The following MCPH1 variants were observed in gnomAD, a reference collection of about 807,000 sequenced individuals.
MCPH1 encodes the protein microcephalin.
In MCPH1, 104 loss-of-function variants were observed where a neutral mutation model predicts 84.5. The observed-to-expected ratio is 1.23, with a 90% CI of 1.05 to 1.45. The LOEUF (loss-of-function observed/expected upper bound fraction) is 1.45. Ranked by LOEUF, MCPH1 falls within the 40% of genes most tolerant of loss-of-function variation. The pLI, the probability that MCPH1 is intolerant of heterozygous loss-of-function variation, is 0.00. For synonymous variants in MCPH1, 514 were observed against 366.8 expected, an observed-to-expected ratio of 1.40 and a Z score of -4.58; for missense variants, 1,498 against 1,005.7, an observed-to-expected ratio of 1.49 and a Z score of -6.62.
chr8:6,471,852 C>G (rs894424658), intron 9 of MCPH1, among the ~76,000 whole-genome samples: 1 of 152,188 alleles, frequency 6.6e-6, no homozygotes, highest in Admixed American at 6.5e-5. Flanking sequence ...TGGCCTATAG[C>G]TAATTGCAGA....
chr8:6,411,040 A>G (rs1190072532), intron 2 of MCPH1, among the ~76,000 whole-genome samples: 1 of 152,148 alleles, frequency 6.6e-6, no homozygotes, highest in Non-Finnish European at 1.5e-5. Flanking sequence ...CATTGAGCCG[A>G]GATTGCACCA....
In MCPH1 at chr8:6,505,753, C is replaced by T. The variant is rs181602212; in HGVS notation, c.2214+5824C>T. On this transcript the variant is annotated intron_variant, in intron 12 of 13. Transcript: ENST00000344683. ...ATTCTATATATATTCTTTATATATA[C>T]GTATATATAGAATATATATATTCTT... 3.8e-3 allele frequency among the ~76,000 whole-genome samples: 482 copies of T among 127,938 alleles called. 9 individuals are homozygous for T. The highest frequency in any genetic ancestry group is 0.012 in the African/African-American group (403 of 33,700). 83.9% of individuals were successfully genotyped at this position (127,938 alleles called of 152,430 possible).
intron 9 of MCPH1, among the ~76,000 whole-genome samples, chr8:6,475,735 C>T (rs73196801): frequency 0.022 from 3,289 of 152,240 alleles, 51 homozygotes; most frequent in Middle Eastern, 0.092. Context: ...GGGCATTGTC[C>T]AAGCAGGTTT....
intron 13 of MCPH1, among the ~76,000 whole-genome samples, chr8:6,639,939 A>T (rs954325182): frequency 6.6e-6 from 1 of 151,976 alleles, no homozygotes; most frequent in African/African-American, 2.4e-5. Context: ...AGATGTCACT[A>T]TGTTGCCCAG....
chr8:6,423,815 CAAAA>C (rs953463664), intron 3 of MCPH1, among the ~76,000 whole-genome samples: 3 of 152,028 alleles, frequency 2.0e-5, no homozygotes, highest in African/African-American at 7.2e-5. Flanking sequence ...CTGGAATTAT[CAAAA>C]AAATGCATGT....
rs143937449 is a variant in MCPH1 at position 6,592,313 on chromosome 8, G to A, written c.2215-29141G>A. On this transcript the variant is annotated intron_variant, in intron 12 of 13. Coordinates refer to ENST00000344683, the MANE Select transcript of MCPH1 (RefSeq NM_024596.5). ...ACTACACGTGCGTGCCACCACACCC[G>A]GCTAATTATTTTTGGTAGAGACAGG... Among the ~76,000 whole-genome samples the A allele has an allele frequency of 1.9e-3, 293 of 151,952 alleles. 1 individual carries two copies. Among genetic ancestry groups the A allele is most frequent in the African/African-American group, 6.7e-3 (277 of 41,452 alleles).
chr8:6,638,519 TA>T (rs1290965584), intron 13 of MCPH1, among the ~76,000 whole-genome samples: 1 of 151,722 alleles, frequency 6.6e-6, no homozygotes, highest in Non-Finnish European at 1.5e-5. Flanking sequence ...CCATGGCTAG[TA>T]AACTTTAGCT....
chr8:6,516,640 C>A (rs985183332), intron 12 of MCPH1, among the ~76,000 whole-genome samples: 3 of 152,150 alleles, frequency 2.0e-5, no homozygotes, highest in African/African-American at 4.8e-5. Flanking sequence ...TTTCATAAAC[C>A]AGCTGAATAA....
chr8:6,611,995 C>G (rs1188034964), intron 12 of MCPH1, among the ~76,000 whole-genome samples: 1 of 152,160 alleles, frequency 6.6e-6, no homozygotes, highest in East Asian at 1.9e-4. Context: ...AACCCCAGAC[C>G]TTGCGGGGGT....
At chr8:6,415,603 C>T (rs909392466) in intron 3 of MCPH1, among the ~76,000 whole-genome samples, 3 of 152,158 alleles carry the variant, frequency 2.0e-5, no homozygotes, top group Non-Finnish European at 4.4e-5. Context: ...ATCCACCTGC[C>T]TCGGCCTCCC....
intron 12 of MCPH1, among the ~76,000 whole-genome samples, chr8:6,564,487 T>G (rs562738034): frequency 6.6e-6 from 1 of 152,288 alleles, no homozygotes; most frequent in South Asian, 2.1e-4. Context: ...GCAAGTCACT[T>G]CCTTTAACAA....
intron 12 of MCPH1, among the ~76,000 whole-genome samples, chr8:6,585,385 C>G (rs148099421): frequency 0.011 from 1,684 of 152,288 alleles, 33 homozygotes; most frequent in African/African-American, 0.039. Flanking sequence ...GTGTGGCCAC[C>G]ACAGCTGGAA....
In MCPH1 at chr8:6,500,027, C is replaced by T. The variant is rs971799110; in HGVS notation, c.2214+98C>T. 7.4e-6 allele frequency: 7 copies of T among 947,862 alleles called. No homozygotes were observed. The African/African-American group carries it at 8.0e-5, about 11-fold the overall frequency. The allele number at this position is 947,862 out of a possible 1,614,324, so 58.7% of individuals were successfully genotyped here. A position where few individuals can be genotyped will look rare whatever the true frequency, so the allele number is the denominator to read the frequency against. On this transcript the variant is annotated intron_variant, in intron 12 of 13. Coordinates refer to ENST00000344683, the MANE Select transcript of MCPH1 (RefSeq NM_024596.5). ...GGACTTAAGTTTTTATCCAGTCAAGCACAATTATGCCCATAATTAAAAAGA... is the reference window on the plus strand; with the variant it reads ...GGACTTAAGTTTTTATCCAGTCAAGTACAATTATGCCCATAATTAAAAAGA...
chr8:6,593,417 C>T (rs2959785), intron 12 of MCPH1, among the ~76,000 whole-genome samples: 57,428 of 151,438 alleles, frequency 0.38, 11,070 homozygotes, highest in East Asian at 0.49. Flanking sequence ...TGCAATGGCG[C>T]GATCTTGGCT....
At chr8:6,415,918 A>G (rs1013466375) in intron 3 of MCPH1, among the ~76,000 whole-genome samples, 8 of 152,238 alleles carry the variant, frequency 5.3e-5, no homozygotes, top group African/African-American at 1.7e-4. Context: ...ATAATATTTA[A>G]TCTTTCAGTC....
At chr8:6,490,402 T>C (rs1810426500) in intron 11 of MCPH1, among the ~76,000 whole-genome samples, 1 of 152,192 alleles carries the variant, frequency 6.6e-6, no homozygotes, top group African/African-American at 2.4e-5. Flanking sequence ...TTGGGGACAT[T>C]GTTAACAATC....
intron 13 of MCPH1, among the ~76,000 whole-genome samples, chr8:6,631,271 A>C (rs752284944): frequency 4.6e-5 from 7 of 152,240 alleles, no homozygotes; most frequent in Non-Finnish European, 8.8e-5. Context: ...CAAGAGAAAG[A>C]GGTGGGCACA....
chr8:6,590,958 A>G (rs1392072551), intron 12 of MCPH1, among the ~76,000 whole-genome samples: 4 of 152,164 alleles, frequency 2.6e-5, no homozygotes, highest in Non-Finnish European at 4.4e-5. Flanking sequence ...CTGGAGTCCA[A>G]TGGCGCAATC....
At chr8:6,447,442 G>A in intron 8 of MCPH1, 1 of 984,752 alleles carries the variant, frequency 1.0e-6, no homozygotes, top group South Asian at 4.7e-5. Flanking sequence ...GCTGTTGTCA[G>A]TATCTAAGAT....
Sources: allele counts gnomAD v4.1 joint callset (sites outside exome capture counted in the v4.1 genomes callset), GRCh38; gene constraint gnomAD v4.1.1; transcripts MANE v1.5; gene names NCBI Gene and HGNC (gene_info 2026-07-23, HGNC 2026-07-21).